Variants in SYDE2 observed in about 807,000 individuals in gnomAD.
The protein encoded by SYDE2 is synapse defective Rho GTPase homolog 2, also known as rho GTPase-activating protein SYDE2.
SYDE2 carries 76 observed loss-of-function variants against 91.5 expected under a neutral mutation model. The observed-to-expected ratio is 0.83, with a 90% CI of 0.69 to 1.01. The LOEUF is 1.01. Among genes scored for constraint, SYDE2 ranks in the 50% least tolerant of loss-of-function variants. The probability of loss-of-function intolerance (pLI) is 0.00; values close to 1 mark genes in which losing one functional copy is unlikely to be tolerated. For missense variants in SYDE2, 1,364 were observed against 1,367.7 expected (o/e 1.00, Z 0.04); for synonymous variants, 513 against 506.4 (o/e 1.01, Z -0.18).
chr1:85,169,136 G>A lies in SYDE2; in HGVS notation c.2761C>T (p.Pro921Ser), dbSNP rs1283770688. 6.2e-7 allele frequency: 1 copy of A among 1,613,732 alleles called. No individual in the cohort carries two copies. The highest frequency in any genetic ancestry group is 8.5e-7 in the Non-Finnish European group (1 of 1,179,794). Reference sequence around the variant, plus strand: ...CAACCATTTGATGACATTTTCAAAGGACTTTTTGCCATTGCATCTAATACA... The same window carrying A: ...CAACCATTTGATGACATTTTCAAAGAACTTTTTGCCATTGCATCTAATACA... ...EAVLDAMAKS[P>S]LKMSSNGCEN... Residue 921 changes from proline (P) to serine (S), a missense_variant, in exon 5 of 7, where the codon CCT becomes TCT. By Grantham distance (74) the Pro-to-Ser change is moderately conservative. Coordinates refer to ENST00000341460, the MANE Select transcript of SYDE2 (RefSeq NM_032184.2).
chr1:85,162,594 T>C (rs1021990472), intron 6 of SYDE2, among the ~76,000 whole-genome samples: 2 of 152,230 alleles, frequency 1.3e-5, no homozygotes, highest in Non-Finnish European at 2.9e-5. Context: ...AATAAGGTGC[T>C]GTACACTAGG....
Position 85,160,197 on chromosome 1 carries a change from A to G in SYDE2, c.3086-948T>C, listed in dbSNP as rs115847127. 6.5e-3 allele frequency: 6,375 copies of G among 984,054 alleles called. 29 individuals carry two copies. Among genetic ancestry groups the G allele is most frequent in the Non-Finnish European group, 7.1e-3 (5,878 of 828,632 alleles). The allele number at this position is 984,054 out of a possible 1,614,324, so 61.0% of individuals were successfully genotyped here. ...GCACTAAGATAAAGCAACATAAATC[A>G]GTGATAACACACCAACTTTATACTC... On this transcript the variant is annotated intron_variant, in intron 6 of 6. Coordinates refer to ENST00000341460, the MANE Select transcript of SYDE2 (RefSeq NM_032184.2).
intron 6 of SYDE2, among the ~76,000 whole-genome samples, chr1:85,163,707 G>A (rs75152628): frequency 0.039 from 5,934 of 151,896 alleles, 162 homozygotes; most frequent in Middle Eastern, 0.068. Flanking sequence ...GGCCAAGCAC[G>A]GTTACTAGTG....
intron 5 of SYDE2, among the ~76,000 whole-genome samples, chr1:85,168,839 CAT>C (rs1373822027): frequency 1.1e-4 from 17 of 152,230 alleles, no homozygotes; most frequent in African/African-American, 3.9e-4. Flanking sequence ...GCTAAAATCA[CAT>C]ATAGAAAAGA....
chr1:85,185,737 G>A (rs1404907247), intron 2 of SYDE2, among the ~76,000 whole-genome samples: 19 of 151,450 alleles, frequency 1.3e-4, no homozygotes, highest in South Asian at 4.2e-4. Context: ...CAATCATGTC[G>A]TCTGCAAACA....
At chr1:85,184,267 T>G (rs1199540876) in intron 2 of SYDE2, among the ~76,000 whole-genome samples, 1 of 152,194 alleles carries the variant, frequency 6.6e-6, no homozygotes, top group Non-Finnish European at 1.5e-5. Flanking sequence ...TTAGTTGCCT[T>G]GTAAACTGGC....
chr1:85,190,815 T>C, intron 1 of SYDE2, 63 bp from the exon 2 acceptor site: 2 of 1,348,604 alleles, frequency 1.5e-6, no homozygotes, highest in Non-Finnish European at 1.0e-6. Context: ...GACATGTCAC[T>C]TCAGACCAGT....
At chr1:85,199,752 A>C (rs1177168062) in intron 1 of SYDE2, among the ~76,000 whole-genome samples, 1 of 150,914 alleles carries the variant, frequency 6.6e-6, no homozygotes, top group East Asian at 1.9e-4. Flanking sequence ...GTATGTATGC[A>C]TGTGTGTGCG....
downstream of SYDE2, among the ~76,000 whole-genome samples, chr1:85,155,009 C>CAAAAAA: frequency 3.7e-5 from 3 of 80,632 alleles, no homozygotes; most frequent in African/African-American, 6.3e-5. Context: ...AAGAATGCAG[C>CAAAAAA]AAAAAAAAAA....
At chr1:85,195,488 A>G (rs919604229) in intron 1 of SYDE2, among the ~76,000 whole-genome samples, 1 of 152,096 alleles carries the variant, frequency 6.6e-6, no homozygotes, top group African/African-American at 2.4e-5. Flanking sequence ...GACAAATCTA[A>G]AAGGAGGAGA....
intron 4 of SYDE2, among the ~76,000 whole-genome samples, chr1:85,170,590 G>A (rs532869844): frequency 3.3e-5 from 5 of 152,284 alleles, no homozygotes; most frequent in African/African-American, 1.2e-4. Context: ...GAGCATTCTG[G>A]ATTTTTGATT....
intron 2 of SYDE2, among the ~76,000 whole-genome samples, chr1:85,189,410 GTGAA>G (rs760102881): frequency 9.1e-4 from 139 of 152,286 alleles, no homozygotes; most frequent in Middle Eastern, 3.4e-3. Flanking sequence ...CAGGCCAGGT[GTGAA>G]TGAATGAATG....
In SYDE2 at chr1:85,164,711, T is replaced by C. The variant is rs746523302; in HGVS notation, c.2900A>G (p.Tyr967Cys). 1.8e-5 allele frequency: 27 copies of C among 1,477,610 alleles called. No individual in the cohort carries two copies. The highest frequency in any genetic ancestry group is 2.9e-5 in the African/African-American group (2 of 69,728). The allele number at this position is 1,477,610 out of a possible 1,614,324, so 91.5% of individuals were successfully genotyped here. ...GCACGTCATCTTATTCACTTCATGA[T>C]AGGAAGCCACCAATTTCAAATGATC... ...LLDHLKLVAS[Y>C]HEVNKMTCQN... Residue 967 changes from tyrosine (Y) to cysteine (C), a missense_variant, in exon 6 of 7, where the codon TAT (tyrosine) becomes TGT (cysteine). Physicochemically the swap from Tyr to Cys is radical, Grantham distance 194. Coordinates refer to ENST00000341460, the MANE Select transcript of SYDE2 (RefSeq NM_032184.2).
At position 85,182,376 on chromosome 1, in the gene SYDE2, T is replaced by G; in HGVS notation, c.2266A>C (p.Asn756His). The G allele has an allele frequency of 6.2e-7, 1 of 1,613,866 alleles. No homozygotes were observed. The highest frequency in any genetic ancestry group is 1.3e-5 in the African/African-American group (1 of 75,054). The change falls in exon 3 of 7, where the codon AAT (asparagine) becomes CAT (histidine). Residue 756 changes from asparagine (N) to histidine (H), a missense_variant. Coordinates refer to ENST00000341460, the MANE Select transcript of SYDE2 (RefSeq NM_032184.2). The part of the protein sequence containing the change: ...VFSWEPTPRK[N>H]RVCCHGTVVL... ...ACAGTTCCATGACAACAAACTCGAT[T>G]TTTTCTTGGAGTGGGTTCCCAACTG...
intron 3 of SYDE2, chr1:85,181,223 C>A (rs934486314): frequency 7.1e-6 from 1 of 140,624 alleles, no homozygotes; most frequent in Non-Finnish European, 1.5e-5. Context: ...ACAATCTGGG[C>A]TCACTGTAAT....
intron 4 of SYDE2, among the ~76,000 whole-genome samples, chr1:85,177,884 A>G (rs1220612174): frequency 6.6e-6 from 1 of 152,112 alleles, no homozygotes; most frequent in South Asian, 2.1e-4. Context: ...TCCCTCTATG[A>G]AGGTACCTTT....
intron 3 of SYDE2, among the ~76,000 whole-genome samples, chr1:85,178,479 C>A (rs1201412807): frequency 6.6e-6 from 1 of 152,072 alleles, no homozygotes; most frequent in East Asian, 1.9e-4. Flanking sequence ...TCAAACAATA[C>A]ACTATCAGTT....
chr1:85,190,466 G>A lies in SYDE2; in HGVS notation c.1032C>T (p.Asn344=), dbSNP rs138960738. The A allele has an allele frequency of 5.0e-5, 80 of 1,613,764 alleles. No homozygotes were observed. Among genetic ancestry groups the A allele is most frequent in the Admixed American group, 8.3e-5 (5 of 59,982 alleles). ...SKEYCTYVVC[N]ATNSSLSKNC... ...TTTTCGATAATGAAGAGTTTGTAGC[G>A]TTACATACCACATATGTACAGTACT... Residue 344 remains asparagine (N), a synonymous_variant, in exon 2 of 7, where the codon AAC becomes AAT. Coordinates refer to ENST00000341460, the MANE Select transcript of SYDE2 (RefSeq NM_032184.2).
chr1:85,175,664 T>C (rs1208588883), intron 4 of SYDE2, among the ~76,000 whole-genome samples: 1 of 152,220 alleles, frequency 6.6e-6, no homozygotes. Context: ...TCTCATTTTT[T>C]AGACCTACTG....
Sources: allele counts gnomAD v4.1 joint callset (sites outside exome capture counted in the v4.1 genomes callset), GRCh38; gene constraint gnomAD v4.1.1; transcripts MANE v1.5; gene names NCBI Gene and HGNC (gene_info 2026-07-23, HGNC 2026-07-21).